The following MIPOL1 variants were observed in gnomAD, a reference collection of about 807,000 sequenced individuals.
MIPOL1 encodes mirror-image polydactyly 1.
MIPOL1 carries 57 observed loss-of-function variants against 60.9 expected under a neutral mutation model. That is an observed-to-expected ratio of 0.94 (90% CI 0.76 to 1.17). MIPOL1 has a LOEUF of 1.17. Among genes scored for constraint, MIPOL1 ranks in the 50% most tolerant of loss-of-function variants. MIPOL1 has a pLI of 0.00. For missense variants in MIPOL1, 551 were observed against 511.6 expected, an observed-to-expected ratio of 1.08 and a Z score of -0.74; for synonymous variants, 179 against 168.8, an observed-to-expected ratio of 1.06 and a Z score of -0.47.
chr14:37,321,413 T>A (rs2088562646), intron 9 of MIPOL1, among the ~76,000 whole-genome samples: 1 of 152,026 alleles, frequency 6.6e-6, no homozygotes, highest in Admixed American at 6.6e-5. Flanking sequence ...TATCTTTCTG[T>A]CACTGAGTTG....
At chr14:37,419,504 T>C (rs2093831839) in intron 10 of MIPOL1, among the ~76,000 whole-genome samples, 1 of 152,192 alleles carries the variant, frequency 6.6e-6, no homozygotes, top group Non-Finnish European at 1.5e-5. Context: ...AAGTCTGACA[T>C]TGAAAAATCC....
At chr14:37,478,403 T>G (rs10145135) in intron 11 of MIPOL1, among the ~76,000 whole-genome samples, 86,286 of 151,932 alleles carry the variant, frequency 0.57, 25,835 homozygotes, top group Non-Finnish European at 0.66. Flanking sequence ...TGATAAAACA[T>G]CTGATCACAA....
intron 10 of MIPOL1, among the ~76,000 whole-genome samples, chr14:37,403,768 A>G (rs2093535876): frequency 6.6e-6 from 1 of 152,168 alleles, no homozygotes; most frequent in African/African-American, 2.4e-5. Context: ...TTAAAAACTG[A>G]TAAGCAGTAG....
At chr14:37,276,492 T>C (rs1291349874) in intron 6 of MIPOL1, 2 of 150,998 alleles carry the variant, frequency 1.3e-5, no homozygotes, top group African/African-American at 4.8e-5. Flanking sequence ...TGGATTAAAA[T>C]GGGAAAAAAT....
In MIPOL1 at chr14:37,339,430, G is replaced by A. The variant is rs1425208822; in HGVS notation, c.829-30087G>A. The stretch of plus-strand genomic sequence containing the variant: ...GCAGTTGAACGTAGGTCTACCCTGT[G>A]ACTTAGCAATTCCATTTCTAGGTCT... On this transcript the variant is annotated intron_variant, in intron 9 of 12. Coordinates refer to ENST00000684589, the MANE Select transcript of MIPOL1 (RefSeq NM_001388067.1). Among the ~76,000 whole-genome samples the A allele has an allele frequency of 2.0e-5, 3 of 152,140 alleles. 1 individual carries two copies. The highest frequency in any genetic ancestry group is 1.5e-5 in the Non-Finnish European group (1 of 68,030).
chr14:37,353,261 T>G (rs1391890366), intron 9 of MIPOL1, among the ~76,000 whole-genome samples: 1 of 139,562 alleles, frequency 7.2e-6, no homozygotes, highest in Non-Finnish European at 1.5e-5. Context: ...GAAGCCCACT[T>G]GATCATGGTG....
intron 1 of MIPOL1, among the ~76,000 whole-genome samples, chr14:37,218,924 C>CAAAAAA (rs150658949): frequency 9.4e-6 from 1 of 106,712 alleles, no homozygotes; most frequent in African/African-American, 3.0e-5. Flanking sequence ...GACCCTATTT[C>CAAAAAA]AAAAAAAAAA....
intron 11 of MIPOL1, among the ~76,000 whole-genome samples, chr14:37,470,060 C>CA (rs146350292): frequency 6.6e-6 from 1 of 152,072 alleles, no homozygotes; most frequent in African/African-American, 2.4e-5. Flanking sequence ...GTATAGGTTT[C>CA]TGCATGAACA....
chr14:37,524,629 G>A (rs914865997), intron 12 of MIPOL1, among the ~76,000 whole-genome samples: 17 of 141,232 alleles, frequency 1.2e-4, no homozygotes, highest in South Asian at 4.4e-4. Flanking sequence ...GTGCAGTGGC[G>A]CAATCTCAGC....
chr14:37,551,803 C>G (rs2057274), downstream of MIPOL1: 1 of 150,318 alleles, frequency 6.7e-6, no homozygotes, highest in African/African-American at 2.4e-5. Flanking sequence ...GGCGTGAACC[C>G]GGAAGGCAGA....
chr14:37,388,838 G>T lies in MIPOL1; in HGVS notation c.936+19214G>T, dbSNP rs973289968. On this transcript the variant is annotated intron_variant, in intron 10 of 12. Coordinates refer to ENST00000684589, the MANE Select transcript of MIPOL1 (RefSeq NM_001388067.1). ...GTAGCTCATTTCTCTTTTAACTTCA[G>T]CAAATTCTTGCGTAGGACCCCAAAA... is the stretch of plus-strand genomic sequence containing the variant. Among the ~76,000 whole-genome samples the T allele has an allele frequency of 8.5e-5, 13 of 152,078 alleles. No individual in the cohort carries two copies. The East Asian group carries it at 2.5e-3, about 29-fold the overall frequency.
chr14:37,236,175 C>A (rs1393544272), intron 1 of MIPOL1, among the ~76,000 whole-genome samples: 1 of 152,086 alleles, frequency 6.6e-6, no homozygotes, highest in Admixed American at 6.6e-5. Context: ...ATCCACCCAC[C>A]TTGGCCTCCC....
At chr14:37,348,871 G>A (rs1191684199) in intron 9 of MIPOL1, among the ~76,000 whole-genome samples, 5 of 146,722 alleles carry the variant, frequency 3.4e-5, no homozygotes, top group Admixed American at 1.4e-4. Context: ...TCTGTCACCC[G>A]GGCTGGAGAG....
Position 37,500,042 on chromosome 14 carries a change from C to T in MIPOL1, c.1166C>T (p.Thr389Ile). Residue 389 changes from threonine to isoleucine, a missense_variant, in exon 12 of 13, where the codon ACT becomes ATT. By Grantham distance (89) the Thr-to-Ile change is moderately conservative (BLOSUM62 -1). Coordinates refer to ENST00000684589, the MANE Select transcript of MIPOL1 (RefSeq NM_001388067.1). The part of the protein sequence containing the change: ...ITQQQNEELA[T>I]QLQQALTERA... ...CAACAACAAAATGAGGAACTGGCTA[C>T]TCAACTGCAACAAGCTCTGACAGAG... The T allele has an allele frequency of 6.2e-7, 1 of 1,613,978 alleles. No homozygotes were observed.
intron 9 of MIPOL1, among the ~76,000 whole-genome samples, chr14:37,367,542 A>G (rs1351483133): frequency 1.3e-5 from 2 of 151,950 alleles, no homozygotes; most frequent in Non-Finnish European, 2.9e-5. Flanking sequence ...CTTTTTCTTC[A>G]GATACACTTC....
At chr14:37,240,887 T>G (rs1972237488) in intron 1 of MIPOL1, among the ~76,000 whole-genome samples, 1 of 152,046 alleles carries the variant, frequency 6.6e-6, no homozygotes, top group Non-Finnish European at 1.5e-5. Context: ...TAATTTGATG[T>G]CCTTTTATGG....
chr14:37,516,608 A>G (rs896739688), intron 12 of MIPOL1, among the ~76,000 whole-genome samples: 2 of 152,304 alleles, frequency 1.3e-5, no homozygotes, highest in African/African-American at 4.8e-5. Flanking sequence ...GTTGTTTAGT[A>G]CAAAGGAAGA....
intron 9 of MIPOL1, among the ~76,000 whole-genome samples, chr14:37,328,337 C>T (rs771555181): frequency 2.0e-5 from 3 of 151,962 alleles, no homozygotes; most frequent in Admixed American, 1.3e-4. Flanking sequence ...CATTAAAATA[C>T]GGGAAAGTAA....
chr14:37,257,935 T>C (rs1975232052), intron 3 of MIPOL1, among the ~76,000 whole-genome samples: 2 of 152,150 alleles, frequency 1.3e-5, no homozygotes, highest in South Asian at 4.1e-4. Flanking sequence ...GCGGTGGACC[T>C]CCCTGATCTT....
Sources: allele counts gnomAD v4.1 joint callset (sites outside exome capture counted in the v4.1 genomes callset), GRCh38; gene constraint gnomAD v4.1.1; transcripts MANE v1.5; gene names NCBI Gene and HGNC (gene_info 2026-07-23, HGNC 2026-07-21).